The following ZNF75D variants were observed in gnomAD, a reference collection of about 807,000 sequenced individuals.
The protein encoded by ZNF75D is zinc finger protein 75.
Under a neutral mutation model 33.3 loss-of-function variants are expected in ZNF75D, and 33 were observed. The observed-to-expected ratio is 0.99, with a 90% CI of 0.75 to 1.32. The LOEUF (loss-of-function observed/expected upper bound fraction) is 1.32. Ranked by LOEUF, ZNF75D falls within the 40% of genes most tolerant of loss-of-function variation. ZNF75D has a pLI of 0.00. For missense variants in ZNF75D, 338 were observed against 367.5 expected (o/e 0.92, Z 0.66); for synonymous variants, 113 against 130.6 (o/e 0.87, Z 0.92).
At position 135,325,696 on chromosome X, in the gene ZNF75D, C is replaced by T. The variant is rs185684160; in HGVS notation, c.-391+16072G>A. 5.9e-3 allele frequency among the ~76,000 whole-genome samples: 669 copies of T among 113,094 alleles called. 24 individuals carry two copies. In the East Asian group the frequency reaches 0.13, roughly 23 times the overall value. On this transcript the variant is annotated intron_variant, in intron 1 of 6. Coordinates refer to ENST00000370766, the MANE Select transcript of ZNF75D (RefSeq NM_007131.5). ...CGGCCTTAGCTGCCTTCCCACAGGG[C>T]AGGGCTCGAGACCTGCAGCCCGCCA...
At chrX:135,297,244 T>C (rs2084144089) in intron 1 of ZNF75D, 2 of 112,170 alleles carry the variant, frequency 1.8e-5, no homozygotes, top group Non-Finnish European at 1.9e-5. Flanking sequence ...TTTGATTCTA[T>C]ATATAAATGC....
intron 1 of ZNF75D, among the ~76,000 whole-genome samples, chrX:135,304,712 A>C: frequency 8.9e-6 from 1 of 112,818 alleles, no homozygotes; most frequent in East Asian, 2.8e-4. Flanking sequence ...ATTAAAATTG[A>C]TAATTGATAA....
downstream of ZNF75D, among the ~76,000 whole-genome samples, chrX:135,284,781 G>A (rs782686412): frequency 5.4e-5 from 6 of 112,063 alleles, 1 homozygote; most frequent in South Asian, 2.3e-3. Flanking sequence ...ACAGGGGTAA[G>A]CAGCTTTAGG....
chrX:135,312,677 CT>C (rs1273147735), intron 1 of ZNF75D, among the ~76,000 whole-genome samples: 2 of 84,182 alleles, frequency 2.4e-5, no homozygotes, highest in Non-Finnish European at 4.8e-5. Context: ...TTTTTTTTGT[CT>C]TTTAATAGTA....
chrX:135,275,807 T>C (rs1224728430), intron 1 of ZNF75D, among the ~76,000 whole-genome samples: 1 of 111,467 alleles, frequency 9.0e-6, no homozygotes, highest in Non-Finnish European at 1.9e-5. Context: ...ACCACAGGAA[T>C]TGATAGAACA....
chrX:135,338,013 G>A (rs2084736528), intron 1 of ZNF75D, among the ~76,000 whole-genome samples: 1 of 111,060 alleles, frequency 9.0e-6, no homozygotes, highest in South Asian at 3.8e-4. Flanking sequence ...TGTCATGTGA[G>A]AGAGGGATGA....
rs1556419784 is a variant in ZNF75D, at chrX:135,287,261, G to A, written c.1409C>T (p.Thr470Ile). 8.3e-7 allele frequency: 1 copy of A among 1,210,027 alleles called. No homozygotes were observed. The highest frequency in any genetic ancestry group is 1.1e-6 in the Non-Finnish European group (1 of 894,954). Residue 470 changes from threonine (T) to isoleucine (I), a missense_variant, in exon 7 of 7, where the codon ACT becomes ATT. Thr to Ile is a moderately conservative substitution (Grantham distance 89). Around this residue, in one of 3 missense-constraint regions of ZNF75D, gnomAD observed 79 missense variants for 80.1 expected, o/e 0.99. Transcript: ENST00000370766. ...CGTATAAGGCTGCTCACCTGTGTGA[G>A]TTCTCTGGTGTTTAATAAGGTGGGA... ...QNSHLIKHQR[T>I]HTGEQPYTCS...
rs782627551 is a variant in ZNF75D, at chrX:135,291,138, A to C, written c.697-3T>G. 2.5e-6 allele frequency: 3 copies of C among 1,211,145 alleles called. No individual in the cohort carries two copies. The highest frequency in any genetic ancestry group is 3.4e-6 in the Non-Finnish European group (3 of 895,096). On this transcript the variant is annotated splice_polypyrimidine_tract_variant and splice_region_variant and intron_variant, in intron 5 of 6. Transcript: ENST00000370766. The stretch of plus-strand genomic sequence containing the variant: ...ACATCTTCAAATGTCAACAAACTCT[A>C]AAGAAGAGAATGGGCTATAGTTTAG...
intron 1 of ZNF75D, among the ~76,000 whole-genome samples, chrX:135,323,989 G>GCACACA (rs34146473): frequency 0.015 from 1,452 of 97,587 alleles, 10 homozygotes; most frequent in African/African-American, 0.02. Context: ...ACTTGTTGCA[G>GCACACA]CACACACACA....
At chrX:135,278,414 A>G (rs2083907677) in intron 1 of ZNF75D, among the ~76,000 whole-genome samples, 1 of 112,004 alleles carries the variant, frequency 8.9e-6, no homozygotes, top group South Asian at 3.7e-4. Context: ...TTTAAAATAT[A>G]CAATCATATC....
intron 1 of ZNF75D, among the ~76,000 whole-genome samples, chrX:135,332,560 C>A (rs782588697): frequency 3.6e-5 from 4 of 111,919 alleles, no homozygotes; most frequent in Non-Finnish European, 5.6e-5. Flanking sequence ...TCTTGGACTG[C>A]CCAGCCTCCA....
At chrX:135,337,317 G>A (rs1376506674) in intron 1 of ZNF75D, among the ~76,000 whole-genome samples, 1 of 110,980 alleles carries the variant, frequency 9.0e-6, no homozygotes. Flanking sequence ...TTGAAAATAA[G>A]TGCATTCTTT....
intron 1 of ZNF75D, among the ~76,000 whole-genome samples, chrX:135,312,159 C>G (rs1454692366): frequency 9.0e-6 from 1 of 111,427 alleles, no homozygotes; most frequent in Non-Finnish European, 1.9e-5. Flanking sequence ...ACCAACACAC[C>G]CTTCCCAGAC....
chrX:135,301,495 T>C (rs1258638413), intron 1 of ZNF75D, among the ~76,000 whole-genome samples: 1 of 112,103 alleles, frequency 8.9e-6, no homozygotes, highest in Non-Finnish European at 1.9e-5. Flanking sequence ...GAAAATGCAT[T>C]ACTTCCAAGA....
intron 1 of ZNF75D, among the ~76,000 whole-genome samples, chrX:135,326,989 T>C (rs1182398047): frequency 8.9e-6 from 1 of 112,727 alleles, no homozygotes; most frequent in Non-Finnish European, 1.9e-5. Flanking sequence ...CATCATCTCA[T>C]ATAATCCTCA....
chrX:135,295,771 C>T lies in ZNF75D; in HGVS notation c.-122G>A, dbSNP rs2148473918. Reference sequence around the variant, plus strand: ...AGAAAATCAGCTTCTCGGTTACCTTCAGTCAGCTCTGGCTTCCCCGGAGGC... The same window carrying T: ...AGAAAATCAGCTTCTCGGTTACCTTTAGTCAGCTCTGGCTTCCCCGGAGGC... On this transcript the variant is annotated 5_prime_UTR_variant, in exon 2 of 7. Transcript: ENST00000370766. 8.9e-6 allele frequency: 1 copy of T among 112,510 alleles called. No individual in the cohort carries two copies. The highest frequency in any genetic ancestry group is 3.2e-5 in the African/African-American group (1 of 30,965). The allele number at this position is 112,510 out of a possible 1,213,427, so 9.3% of individuals were successfully genotyped here.
downstream of ZNF75D, among the ~76,000 whole-genome samples, chrX:135,283,758 T>C (rs1458735341): frequency 9.0e-6 from 1 of 111,056 alleles, no homozygotes; most frequent in Non-Finnish European, 1.9e-5. Flanking sequence ...GAGGAAGAGG[T>C]TTCTTGGGAG....
intron 1 of ZNF75D, among the ~76,000 whole-genome samples, chrX:135,341,219 T>C (rs1180610898): frequency 2.7e-5 from 3 of 111,641 alleles, no homozygotes; most frequent in African/African-American, 9.8e-5. Context: ...CAGAACCCTA[T>C]GAATAAAGAA....
At chrX:135,277,363 G>A (rs1224528410) in intron 1 of ZNF75D, among the ~76,000 whole-genome samples, 2 of 112,014 alleles carry the variant, frequency 1.8e-5, no homozygotes, top group Non-Finnish European at 3.8e-5. Context: ...ATTTGTTTAA[G>A]TACATTGTAG....
Sources: gnomAD v4.1 joint callset for allele counts (sites outside exome capture counted in the v4.1 genomes callset) on GRCh38, gnomAD v4.1.1 for gene constraint, gnomAD v4.1.1 regional missense constraint, MANE v1.5 for transcripts, NCBI Gene and HGNC (gene_info 2026-07-23, HGNC 2026-07-21) for gene names.